The following FREM1 variants were observed in gnomAD, a reference collection of about 807,000 sequenced individuals.
The protein encoded by FREM1 is FRAS1-related extracellular matrix protein 1.
Under a neutral mutation model 210.1 loss-of-function variants are expected in FREM1, and 220 were observed. The ratio of observed to expected loss-of-function variants is 1.05; its 90% CI spans 0.94 to 1.17. The LOEUF (loss-of-function observed/expected upper bound fraction) is 1.17, where lower values mean the gene tolerates loss of function less well. FREM1 is among the 50% of genes most tolerant of loss of function. FREM1 has a pLI of 0.00. For missense variants in FREM1, 3,454 were observed against 2,675.5 expected (o/e 1.29, Z -6.42); for synonymous variants, 1,189 against 980.2 (o/e 1.21, Z -3.98).
chr9:14,801,159 G>A (rs1817211398), intron 20 of FREM1, among the ~76,000 whole-genome samples: 4 of 152,068 alleles, frequency 2.6e-5, no homozygotes, highest in Middle Eastern at 6.8e-3. Context: ...CATCACACTC[G>A]GCTAATTTTT....
Position 14,792,851 on chromosome 9 carries a change from A to G in FREM1, c.3873T>C (p.Thr1291=). Residue 1291 remains threonine, a synonymous_variant, in exon 22 of 37, where the codon ACT becomes ACC. Transcript: ENST00000380880. ...KAEIAMNMGE[T]RIISSAILSA... Reference sequence around the variant, plus strand: ...AAAGAATAGCACTGGAAATAATACGAGTTTCACCCATATTCATTGCAATTT... The same window carrying G: ...AAAGAATAGCACTGGAAATAATACGGGTTTCACCCATATTCATTGCAATTT... 1.3e-6 allele frequency: 2 copies of G among 1,593,862 alleles called. No individual in the cohort carries two copies. Among genetic ancestry groups the G allele is most frequent in the Non-Finnish European group, 1.7e-6 (2 of 1,168,532 alleles).
rs1830073972 is a variant in FREM1 at position 14,860,900 on chromosome 9, TACACATATACACATATAC to T, written c.330-1434_330-1417del. 4.1e-5 allele frequency among the ~76,000 whole-genome samples: 5 copies of T among 122,746 alleles called. 1 individual carries two copies. Among genetic ancestry groups the T allele is most frequent in the African/African-American group, 1.8e-4 (5 of 27,742 alleles). The allele number at this position is 122,746 out of a possible 152,430, so 80.5% of individuals were successfully genotyped here. A position where few individuals can be genotyped will look rare whatever the true frequency, so the allele number is the denominator to read the frequency against. The stretch of plus-strand genomic sequence containing the variant: ...GTATATATACACATATATACATATA[TACACATATACACATATAC>T]ACATATATACACATATACACACATA... On this transcript the variant is annotated intron_variant, in intron 3 of 36. Transcript: ENST00000380880.
chr9:14,752,811 C>G (rs1179163400), intron 29 of FREM1, among the ~76,000 whole-genome samples: 1 of 152,142 alleles, frequency 6.6e-6, no homozygotes, highest in Non-Finnish European at 1.5e-5. Context: ...AACCGACTCT[C>G]TGATTTTAAG....
chr9:14,775,841 C>A lies in FREM1; in HGVS notation c.4805G>T (p.Gly1602Val). 6.2e-7 allele frequency: 1 copy of A among 1,613,680 alleles called. No homozygotes were observed. The highest frequency in any genetic ancestry group is 8.5e-7 in the Non-Finnish European group (1 of 1,179,790). ...CCACACTCTCCCATTCACAATAAAG[C>A]CTTGGTTTGTCCCATCTGTGGCCAT... ...TFMATDGTNQ[G>V]FIVNGRVWEE... Residue 1602 changes from glycine (G) to valine (V), a missense_variant, in exon 25 of 37, where the codon GGC becomes GTC. Gly to Val is a moderately radical substitution (Grantham distance 109, BLOSUM62 -3). Coordinates refer to ENST00000380880, the MANE Select transcript of FREM1 (RefSeq NM_001379081.2).
intron 1 of FREM1, among the ~76,000 whole-genome samples, chr9:14,889,597 T>A (rs923771636): frequency 3.9e-5 from 6 of 152,204 alleles, no homozygotes; most frequent in African/African-American, 1.4e-4. Flanking sequence ...CTTCCTTAAA[T>A]CACAGATGCT....
At chr9:14,772,106 TA>T (rs200024248) in intron 25 of FREM1, among the ~76,000 whole-genome samples, 22 of 150,222 alleles carry the variant, frequency 1.5e-4, no homozygotes, top group African/African-American at 3.2e-4. Context: ...GCAAGATTCT[TA>T]AAAAAAAACA....
At chr9:14,747,643 A>C (rs1025244302) in intron 32 of FREM1, 38 bp downstream of exon 32, 7 of 1,244,996 alleles carry the variant, frequency 5.6e-6, no homozygotes, top group Non-Finnish European at 6.7e-6. Context: ...TTGCATCCAT[A>C]AATATAAGAA....
intron 6 of FREM1, 57 bp from the exon 7 acceptor site, chr9:14,848,830 C>G (rs187180356): frequency 9.3e-7 from 1 of 1,079,670 alleles, no homozygotes; most frequent in Admixed American, 1.7e-5. Context: ...GGTAAAGTAG[C>G]ATTAATTCTG....
At chr9:14,870,402 T>C (rs545448225) in intron 1 of FREM1, among the ~76,000 whole-genome samples, 1 of 152,356 alleles carries the variant, frequency 6.6e-6, no homozygotes, top group Non-Finnish European at 1.5e-5. Flanking sequence ...CAACTGACTC[T>C]ATTGTCCACA....
intron 10 of FREM1, among the ~76,000 whole-genome samples, chr9:14,826,674 G>C (rs1230664139): frequency 6.6e-6 from 1 of 152,174 alleles, no homozygotes; most frequent in South Asian, 2.1e-4. Flanking sequence ...ATTAGTAAGA[G>C]GCAGGGCCAT....
At chr9:14,810,712 T>G (rs1819250441) in intron 16 of FREM1, among the ~76,000 whole-genome samples, 1 of 152,164 alleles carries the variant, frequency 6.6e-6, no homozygotes, top group South Asian at 2.1e-4. Flanking sequence ...AATAAACATT[T>G]CAGGTGATAA....
intron 24 of FREM1, among the ~76,000 whole-genome samples, chr9:14,783,134 A>G (rs1293823298): frequency 6.6e-6 from 1 of 152,228 alleles, no homozygotes; most frequent in Non-Finnish European, 1.5e-5. Context: ...TATTCGTTCC[A>G]GCTTTCTGGG....
chr9:14,908,448 T>C (rs932596265), intron 1 of FREM1, among the ~76,000 whole-genome samples: 2 of 152,050 alleles, frequency 1.3e-5, no homozygotes, highest in African/African-American at 4.8e-5. Context: ...GATCAGGCCA[T>C]ATAGCCCAAC....
chr9:14,809,183 T>A (rs546089738), intron 16 of FREM1, among the ~76,000 whole-genome samples: 1 of 152,338 alleles, frequency 6.6e-6, no homozygotes, highest in South Asian at 2.1e-4. Flanking sequence ...CTTTGCTTGC[T>A]GCCATCCATG....
At chr9:14,806,945 C>A (rs1818480451) in intron 17 of FREM1, 99 bp from the exon 18 acceptor site, 2 of 635,338 alleles carry the variant, frequency 3.1e-6, no homozygotes. Flanking sequence ...TTCAGAGAAG[C>A]CTCCCACGTG....
chr9:14,902,609 C>G (rs1305675598), intron 1 of FREM1, among the ~76,000 whole-genome samples: 1 of 152,046 alleles, frequency 6.6e-6, no homozygotes, highest in Non-Finnish European at 1.5e-5. Context: ...AATGGTACAC[C>G]CAGTGCACTG....
chr9:14,743,359 G>A (rs762221231), intron 35 of FREM1, among the ~76,000 whole-genome samples: 1 of 152,040 alleles, frequency 6.6e-6, no homozygotes, highest in Non-Finnish European at 1.5e-5. Context: ...AACAAAAGAT[G>A]ATGGGAGACT....
chr9:14,856,470 A>G (rs908151252), intron 5 of FREM1, among the ~76,000 whole-genome samples: 1 of 152,160 alleles, frequency 6.6e-6, no homozygotes, highest in Non-Finnish European at 1.5e-5. Context: ...ATAATGTTCA[A>G]TATTTGACTG....
intron 10 of FREM1, among the ~76,000 whole-genome samples, chr9:14,826,320 G>A (rs1303792470): frequency 2.6e-5 from 4 of 152,126 alleles, no homozygotes. Context: ...TCGAACTCCT[G>A]ACTTCAAGTG....
Sources: allele counts gnomAD v4.1 joint callset (sites outside exome capture counted in the v4.1 genomes callset), GRCh38; gene constraint gnomAD v4.1.1; transcripts MANE v1.5; gene names NCBI Gene and HGNC (gene_info 2026-07-23, HGNC 2026-07-21).